CA10: variants seen among roughly 807,000 people sequenced by gnomAD.
CA10 encodes the protein carbonic anhydrase 10 (inactive).
A neutral mutation model predicts 44.2 loss-of-function variants in CA10; 14 were observed. The ratio of observed to expected loss-of-function variants is 0.32; its 90% CI spans 0.21 to 0.50. CA10 has a LOEUF of 0.50. Ranked by LOEUF, CA10 falls within the 20% of genes least tolerant of loss-of-function variation. The probability of loss-of-function intolerance (pLI) is 0.99; values close to 1 mark genes in which losing one functional copy is unlikely to be tolerated. For missense variants in CA10, 350 were observed against 409.7 expected, an observed-to-expected ratio of 0.85 and a Z score of 1.26; for synonymous variants, 159 against 141.6, an observed-to-expected ratio of 1.12 and a Z score of -0.87.
chr17:51,956,631 G>A lies in CA10; in HGVS notation c.137-25499C>T, dbSNP rs75902988. 7.5e-3 allele frequency among the ~76,000 whole-genome samples: 1,140 copies of A among 152,180 alleles called. 12 individuals are homozygous for A. The highest frequency in any genetic ancestry group is 0.026 in the African/African-American group (1,064 of 41,508). ...ATTAGCAAAAACAGGAAGTGGATCT[G>A]GATTGATCCATTAACTATGAATCTT... On this transcript the variant is annotated intron_variant, in intron 2 of 8. Coordinates refer to ENST00000451037, the MANE Select transcript of CA10 (RefSeq NM_020178.5).
chr17:51,851,751 A>G (rs1423646861), intron 3 of CA10, among the ~76,000 whole-genome samples: 1 of 152,162 alleles, frequency 6.6e-6, no homozygotes, highest in African/African-American at 2.4e-5. Flanking sequence ...AATCTGAACC[A>G]TCTGTTGTCA....
chr17:51,816,653 ATAT>A (rs1485031865), intron 3 of CA10, among the ~76,000 whole-genome samples: 2 of 152,236 alleles, frequency 1.3e-5, no homozygotes, highest in Non-Finnish European at 1.5e-5. Context: ...CTATCTCAAA[ATAT>A]TATTTTTACT....
chr17:51,991,717 G>A (rs1353086557), intron 2 of CA10, among the ~76,000 whole-genome samples: 2 of 152,148 alleles, frequency 1.3e-5, no homozygotes, highest in Non-Finnish European at 2.9e-5. Flanking sequence ...GCTGAGGCAG[G>A]AGAATCACTT....
intron 2 of CA10, among the ~76,000 whole-genome samples, chr17:52,001,171 T>G (rs1006819234): frequency 6.6e-6 from 1 of 151,986 alleles, no homozygotes; most frequent in Non-Finnish European, 1.5e-5. Flanking sequence ...CCTGTTTCTG[T>G]GTGGCCTATG....
At chr17:51,636,271 CTGAGGCTTCCCTCCA>C (rs553365188) in intron 6 of CA10, among the ~76,000 whole-genome samples, 26 of 152,306 alleles carry the variant, frequency 1.7e-4, no homozygotes, top group African/African-American at 5.5e-4. Context: ...TCCAGGTTGG[CTGAGGCTTCCCTCCA>C]TGTCATTGTC....
chr17:51,745,055 G>A (rs1348876166), intron 4 of CA10, among the ~76,000 whole-genome samples: 1 of 152,180 alleles, frequency 6.6e-6, no homozygotes, highest in African/African-American at 2.4e-5. Context: ...CAGTGGATGT[G>A]TGTGTGTGAC....
intron 3 of CA10, among the ~76,000 whole-genome samples, chr17:51,778,474 C>T (rs571170469): frequency 2.6e-5 from 4 of 152,074 alleles, no homozygotes; most frequent in South Asian, 4.2e-4. Context: ...ATAAGGCCAC[C>T]GAATAGGTGA....
At chr17:52,118,650 G>T (rs1988948984) in intron 1 of CA10, among the ~76,000 whole-genome samples, 1 of 151,782 alleles carries the variant, frequency 6.6e-6, no homozygotes, top group African/African-American at 2.4e-5. Flanking sequence ...TATAATTTAG[G>T]GAATAATATT....
At chr17:51,990,772 T>C (rs1159176068) in intron 2 of CA10, among the ~76,000 whole-genome samples, 4 of 152,122 alleles carry the variant, frequency 2.6e-5, no homozygotes, top group Non-Finnish European at 5.9e-5. Flanking sequence ...GCTGGGATGT[T>C]CTTGAGAGTT....
At chr17:52,069,954 C>G (rs1315206392) in intron 2 of CA10, among the ~76,000 whole-genome samples, 1 of 152,188 alleles carries the variant, frequency 6.6e-6, no homozygotes, top group Non-Finnish European at 1.5e-5. Context: ...TTGAAGAACA[C>G]TCTTAACTTT....
At chr17:52,129,116 G>C (rs1989178888) in intron 1 of CA10, among the ~76,000 whole-genome samples, 1 of 152,082 alleles carries the variant, frequency 6.6e-6, no homozygotes, top group African/African-American at 2.4e-5. Context: ...CTACCTCTCT[G>C]TAGCCTACTC....
At chr17:52,066,775 G>A (rs1227691145) in intron 2 of CA10, among the ~76,000 whole-genome samples, 1 of 152,216 alleles carries the variant, frequency 6.6e-6, no homozygotes. Context: ...CTCTTGCTAT[G>A]CTTTAGCAAG....
At position 52,024,412 on chromosome 17, in the gene CA10, C is replaced by A. The variant is rs559161348; in HGVS notation, c.136+47907G>T. Among the ~76,000 whole-genome samples the A allele has an allele frequency of 6.6e-5, 10 of 152,118 alleles. No individual in the cohort carries two copies. In the South Asian group the frequency reaches 2.1e-3, roughly 32 times the overall value. ...ACATTAAGATCTGCAGTCCTAGTCACCAGTTGCCCTAAGTGAGAGTACTAG... is the reference window on the plus strand; with the variant it reads ...ACATTAAGATCTGCAGTCCTAGTCAACAGTTGCCCTAAGTGAGAGTACTAG... On this transcript the variant is annotated intron_variant, in intron 2 of 8. Coordinates refer to ENST00000451037, the MANE Select transcript of CA10 (RefSeq NM_020178.5).
chr17:52,122,898 T>A (rs1989041559), intron 1 of CA10, among the ~76,000 whole-genome samples: 2 of 152,236 alleles, frequency 1.3e-5, no homozygotes, highest in South Asian at 4.1e-4. Flanking sequence ...CCAGGCTTTA[T>A]ACCATCAAAG....
chr17:51,745,309 C>T (rs775080395), intron 4 of CA10, among the ~76,000 whole-genome samples: 19 of 152,142 alleles, frequency 1.2e-4, no homozygotes, highest in Non-Finnish European at 2.2e-4. Flanking sequence ...AAACCTGGAT[C>T]CTATATCCTG....
At chr17:51,638,580 A>G (rs1417250989) in intron 6 of CA10, among the ~76,000 whole-genome samples, 1 of 152,202 alleles carries the variant, frequency 6.6e-6, no homozygotes, top group Non-Finnish European at 1.5e-5. Flanking sequence ...GGCCAACCCA[A>G]TAAGTTAACA....
chr17:52,128,122 TG>T (rs1462327933), intron 1 of CA10, among the ~76,000 whole-genome samples: 1 of 152,230 alleles, frequency 6.6e-6, no homozygotes, highest in Non-Finnish European at 1.5e-5. Context: ...ACCCCAGTTC[TG>T]GGGCTATGAG....
intron 4 of CA10, among the ~76,000 whole-genome samples, chr17:51,699,597 T>C (rs536050324): frequency 6.6e-6 from 1 of 152,312 alleles, no homozygotes; most frequent in African/African-American, 2.4e-5. Context: ...AGTCATCATT[T>C]TTAAAAATAC....
intron 4 of CA10, among the ~76,000 whole-genome samples, chr17:51,731,158 C>T (rs1417464680): frequency 1.3e-5 from 2 of 152,128 alleles, no homozygotes; most frequent in African/African-American, 4.8e-5. Context: ...GTGGGTAGAT[C>T]ATGAGGTCAA....
Sources: gnomAD v4.1 joint callset for allele counts (sites outside exome capture counted in the v4.1 genomes callset) on GRCh38, gnomAD v4.1.1 for gene constraint, MANE v1.5 for transcripts, NCBI Gene and HGNC (gene_info 2026-07-23, HGNC 2026-07-21) for gene names.